Variants in LCA5 observed in about 807,000 individuals in gnomAD.
LCA5 encodes the protein lebercilin LCA5.
Under a neutral mutation model 53.0 loss-of-function variants are expected in LCA5, and 37 were observed. The ratio of observed to expected loss-of-function variants is 0.70; its 90% CI spans 0.54 to 0.92. The LOEUF (loss-of-function observed/expected upper bound fraction) is 0.92. LCA5 is among the 40% of genes least tolerant of loss of function. The pLI, the probability that LCA5 is intolerant of heterozygous loss-of-function variation, is 0.00. For missense variants in LCA5, 806 were observed against 790.5 expected (o/e 1.02, Z -0.23); for synonymous variants, 303 against 282.9 (o/e 1.07, Z -0.71).
In LCA5 at chr6:79,489,204, G is replaced by C; in HGVS notation, c.1111C>G (p.Gln371Glu). 6.2e-7 allele frequency: 1 copy of C among 1,611,426 alleles called. No individual in the cohort carries two copies. The highest frequency in any genetic ancestry group is 1.1e-5 in the South Asian group (1 of 91,050). The change falls in exon 7 of 8, where the codon CAA (glutamine) becomes GAA (glutamate). Residue 371 changes from glutamine to glutamate, a missense_variant. Physicochemically the swap from Gln to Glu is conservative, Grantham distance 29. Transcript: ENST00000369846. ...GCTTCTCCATGCCTGTCTTGCTTTT[G>C]AGATTGCAAGTCCTATTATACGTTA... ...PGHLTLDLQS[Q>E]KQDRHGEAGI...
chr6:79,526,673 T>A (rs922888577), intron 1 of LCA5, among the ~76,000 whole-genome samples: 6 of 152,192 alleles, frequency 3.9e-5, no homozygotes, highest in Non-Finnish European at 7.3e-5. Flanking sequence ...ACAAATTAAA[T>A]GGAATTATCC....
At chr6:79,527,612 G>A (rs1025078992) in intron 1 of LCA5, among the ~76,000 whole-genome samples, 1 of 152,194 alleles carries the variant, frequency 6.6e-6, no homozygotes, top group Admixed American at 6.5e-5. Flanking sequence ...CAATTTCAGG[G>A]ATGGACGGTA....
intron 3 of LCA5, among the ~76,000 whole-genome samples, chr6:79,510,123 TAATC>T (rs1393602017): frequency 6.6e-6 from 1 of 152,176 alleles, no homozygotes; most frequent in Non-Finnish European, 1.5e-5. Context: ...ATGCTGTAGG[TAATC>T]AAGAGTGTAT....
intron 1 of LCA5, among the ~76,000 whole-genome samples, chr6:79,536,527 T>C (rs2127693590): frequency 6.6e-6 from 1 of 152,368 alleles, no homozygotes; most frequent in East Asian, 1.9e-4. Flanking sequence ...ACATCACGTA[T>C]CTGAGTACCG....
At chr6:79,510,722 G>C (rs1240063276) in intron 3 of LCA5, among the ~76,000 whole-genome samples, 1 of 152,040 alleles carries the variant, frequency 6.6e-6, no homozygotes, top group Non-Finnish European at 1.5e-5. Context: ...TTATAATAAA[G>C]AATTCTCCAA....
intron 3 of LCA5, among the ~76,000 whole-genome samples, chr6:79,507,951 C>G (rs1363221753): frequency 6.6e-6 from 1 of 152,188 alleles, no homozygotes; most frequent in African/African-American, 2.4e-5. Flanking sequence ...CTTTTTCAGA[C>G]TCTTGAACCT....
At chr6:79,495,750 C>CAAAAAAAAAAA (rs10637240) in intron 3 of LCA5, among the ~76,000 whole-genome samples, 1 of 73,792 alleles carries the variant, frequency 1.4e-5, no homozygotes, top group Non-Finnish European at 2.9e-5. Context: ...GACTCCATCT[C>CAAAAAAAAAAA]AAAAAAAAAA....
chr6:79,485,798 A>C lies in LCA5; in HGVS notation c.*1206T>G, dbSNP rs1769635745. On this transcript the variant is annotated 3_prime_UTR_variant, in exon 8 of 8. Coordinates refer to ENST00000369846, the MANE Select transcript of LCA5 (RefSeq NM_001122769.3). ...TTCTTCCCAACACACTATTTCCACC[A>C]CTCTTCATTTTAACAATGTTTTCTC... 6.6e-6 allele frequency: 1 copy of C among 151,736 alleles called. No individual in the cohort carries two copies. Among genetic ancestry groups the C allele is most frequent in the Non-Finnish European group, 1.5e-5 (1 of 67,954 alleles). The allele number at this position is 151,736 out of a possible 1,614,324, so 9.4% of individuals were successfully genotyped here. A position where few individuals can be genotyped will look rare whatever the true frequency, so the allele number is the denominator to read the frequency against.
intron 1 of LCA5, among the ~76,000 whole-genome samples, chr6:79,535,294 G>C (rs1414772562): frequency 6.6e-6 from 1 of 152,064 alleles, no homozygotes. Context: ...CTCTTCAGTA[G>C]GGTTAATATT....
At chr6:79,516,589 C>T (rs529061376) in intron 2 of LCA5, among the ~76,000 whole-genome samples, 3 of 152,038 alleles carry the variant, frequency 2.0e-5, no homozygotes, top group Non-Finnish European at 4.4e-5. Context: ...TAACTACAAA[C>T]TGATCATTAA....
At chr6:79,510,164 G>C (rs1770374323) in intron 3 of LCA5, among the ~76,000 whole-genome samples, 1 of 152,138 alleles carries the variant, frequency 6.6e-6, no homozygotes, top group Admixed American at 6.6e-5. Flanking sequence ...TAGACACACA[G>C]ATCAACAGAA....
chr6:79,517,103 T>C (rs944776480), intron 2 of LCA5, among the ~76,000 whole-genome samples: 1 of 152,058 alleles, frequency 6.6e-6, no homozygotes, highest in East Asian at 1.9e-4. Flanking sequence ...CCTAGGTTAG[T>C]CTATACTGAT....
At chr6:79,521,002 T>A (rs1253593054) in intron 1 of LCA5, among the ~76,000 whole-genome samples, 4 of 152,222 alleles carry the variant, frequency 2.6e-5, no homozygotes, top group Admixed American at 6.5e-5. Flanking sequence ...TGTTCTATAG[T>A]CTGTGCTGTT....
At chr6:79,515,968 G>A (rs868806535) in intron 2 of LCA5, among the ~76,000 whole-genome samples, 9 of 152,040 alleles carry the variant, frequency 5.9e-5, no homozygotes, top group African/African-American at 2.2e-4. Context: ...AGCTTGACAA[G>A]TGGGTAGCCC....
At chr6:79,515,375 A>G (rs1766395940) in intron 2 of LCA5, among the ~76,000 whole-genome samples, 1 of 152,148 alleles carries the variant, frequency 6.6e-6, no homozygotes, top group African/African-American at 2.4e-5. Context: ...TCAAATCAAA[A>G]ACCCTAATGT....
chr6:79,529,142 C>T (rs62411359), intron 1 of LCA5, among the ~76,000 whole-genome samples: 3,876 of 152,214 alleles, frequency 0.025, 59 homozygotes, highest in Middle Eastern at 0.071. Flanking sequence ...TTAATTAAAA[C>T]GGCTATTAAT....
chr6:79,493,517 C>T, intron 4 of LCA5, 96 bp downstream of exon 4: 2 of 1,153,056 alleles, frequency 1.7e-6, no homozygotes, highest in South Asian at 1.3e-5. Context: ...TATATTGTAC[C>T]AACTTACAAA....
intron 3 of LCA5, among the ~76,000 whole-genome samples, chr6:79,502,430 ATC>A (rs1331714920): frequency 6.6e-6 from 1 of 152,172 alleles, no homozygotes; most frequent in Non-Finnish European, 1.5e-5. Context: ...CTTTAAAGAA[ATC>A]TGTTTCCTTT....
intron 3 of LCA5, among the ~76,000 whole-genome samples, chr6:79,505,904 G>A (rs987952777): frequency 2.0e-5 from 3 of 152,244 alleles, no homozygotes; most frequent in East Asian, 1.9e-4. Flanking sequence ...AGATAATGCT[G>A]TATCTAGGAA....
Sources: allele counts gnomAD v4.1 joint callset (sites outside exome capture counted in the v4.1 genomes callset), GRCh38; gene constraint gnomAD v4.1.1; transcripts MANE v1.5; gene names NCBI Gene and HGNC (gene_info 2026-07-23, HGNC 2026-07-21).